NCOA2: variants seen among roughly 807,000 people sequenced by gnomAD.
NCOA2 encodes class E basic helix-loop-helix protein 75.
NCOA2 carries 21 observed loss-of-function variants against 145.1 expected under a neutral mutation model. The observed-to-expected ratio is 0.14, with a 90% CI of 0.10 to 0.21. The LOEUF is 0.21. Among genes scored for constraint, NCOA2 ranks in the 10% least tolerant of loss-of-function variants. NCOA2 has a pLI of 1.00. For synonymous variants in NCOA2, 619 were observed against 637.5 expected, an observed-to-expected ratio of 0.97 and a Z score of 0.44; for missense variants, 1,472 against 1,837.6, an observed-to-expected ratio of 0.80 and a Z score of 3.64.
At chr8:70,206,071 G>A (rs191481223) in intron 4 of NCOA2, among the ~76,000 whole-genome samples, 12 of 152,336 alleles carry the variant, frequency 7.9e-5, no homozygotes, top group Non-Finnish European at 1.6e-4. Context: ...GCTGGGGTGG[G>A]AGTAGGACAG....
intron 1 of NCOA2, among the ~76,000 whole-genome samples, chr8:70,314,266 T>C (rs1185715589): frequency 1.4e-5 from 2 of 138,000 alleles, no homozygotes; most frequent in Admixed American, 1.5e-4. Flanking sequence ...AAGTACAGAA[T>C]GCCACAAAGA....
At chr8:70,229,081 A>C (rs1422853842) in intron 2 of NCOA2, among the ~76,000 whole-genome samples, 1 of 152,244 alleles carries the variant, frequency 6.6e-6, no homozygotes, top group Admixed American at 6.5e-5. Context: ...ATATATGGTT[A>C]AGTTTCTAAT....
At chr8:70,233,126 T>C (rs1022427040) in intron 2 of NCOA2, among the ~76,000 whole-genome samples, 1 of 151,760 alleles carries the variant, frequency 6.6e-6, no homozygotes, top group African/African-American at 2.4e-5. Context: ...CTCAGGAGGC[T>C]GAGGCAGGAG....
the NCOA2 span, among the ~76,000 whole-genome samples, chr8:70,440,986 AAG>A: frequency 1.4e-5 from 2 of 147,186 alleles, no homozygotes; most frequent in Admixed American, 6.7e-5. Context: ...GAGAGAAAGA[AAG>A]AGGAAAGATA....
the NCOA2 span, among the ~76,000 whole-genome samples, chr8:70,412,819 C>T: frequency 5.9e-5 from 9 of 152,150 alleles, no homozygotes; most frequent in Non-Finnish European, 1.2e-4. Context: ...AATAGTGGGC[C>T]GGGTACAGTG....
intron 4 of NCOA2, among the ~76,000 whole-genome samples, chr8:70,204,850 G>A (rs1051904529): frequency 6.6e-6 from 1 of 152,070 alleles, no homozygotes; most frequent in Non-Finnish European, 1.5e-5. Flanking sequence ...AAATTAGCCA[G>A]GCATGGTGGT....
intron 4 of NCOA2, among the ~76,000 whole-genome samples, chr8:70,198,325 T>C (rs936430179): frequency 3.3e-5 from 5 of 152,170 alleles, no homozygotes; most frequent in South Asian, 4.1e-4. Flanking sequence ...TGTGCAGTTA[T>C]GAGTTAAAGA....
intron 2 of NCOA2, among the ~76,000 whole-genome samples, chr8:70,226,767 A>G (rs1820690823): frequency 6.6e-6 from 1 of 151,714 alleles, no homozygotes; most frequent in African/African-American, 2.4e-5. Context: ...TTTTAGAGTC[A>G]TTAGCATATC....
At chr8:70,180,069 C>T (rs959510720) in intron 4 of NCOA2, among the ~76,000 whole-genome samples, 3 of 152,328 alleles carry the variant, frequency 2.0e-5, no homozygotes, top group Admixed American at 6.5e-5. Context: ...GCATGAACCA[C>T]CATGCCCAAT....
In NCOA2 at chr8:70,111,799, A is replaced by T. The variant is rs3750200; in HGVS notation, c.*1833T>A. On this transcript the variant is annotated 3_prime_UTR_variant, in exon 23 of 23. Coordinates refer to ENST00000452400, the MANE Select transcript of NCOA2 (RefSeq NM_006540.4). ...TTTTCACCCTGCCACAAATAAACAA[A>T]CAATCAAATTTCAAGGAAAAACTTC... 8.7e-4 allele frequency: 191 copies of T among 219,260 alleles called. 1 individual carries two copies. The East Asian group carries it at 0.012, about 14-fold the overall frequency. 13.6% of individuals were successfully genotyped at this position (219,260 alleles called of 1,614,324 possible).
intron 2 of NCOA2, among the ~76,000 whole-genome samples, chr8:70,270,981 C>T (rs1434550287): frequency 6.6e-6 from 1 of 152,140 alleles, no homozygotes; most frequent in Non-Finnish European, 1.5e-5. Context: ...ATTTTCAAAG[C>T]ACATTAAATT....
At position 70,144,046 on chromosome 8, in the gene NCOA2, T is replaced by A. The variant is rs561990039; in HGVS notation, c.2812+596A>T. ...GACAGTGACTACTACCTAGGAAATGTGCCTAGGCAAATTGCCAGACACCTG... is the reference window on the plus strand; with the variant it reads ...GACAGTGACTACTACCTAGGAAATGAGCCTAGGCAAATTGCCAGACACCTG... On this transcript the variant is annotated intron_variant, in intron 13 of 22. Transcript: ENST00000452400. 1.5e-3 allele frequency among the ~76,000 whole-genome samples: 229 copies of A among 152,332 alleles called. 3 individuals are homozygous for A. In the South Asian group the frequency reaches 0.018, roughly 12 times the overall value.
intron 2 of NCOA2, among the ~76,000 whole-genome samples, chr8:70,229,303 G>A (rs1820930750): frequency 6.6e-6 from 1 of 152,158 alleles, no homozygotes; most frequent in South Asian, 2.1e-4. Flanking sequence ...CAAGACTTAG[G>A]AAGAAGATAC....
At chr8:70,441,780 A>AG in the NCOA2 span, among the ~76,000 whole-genome samples, 1 of 37,670 alleles carries the variant, frequency 2.7e-5, no homozygotes, top group Non-Finnish European at 5.3e-5. Flanking sequence ...GAAAAGAAAG[A>AG]AGAGAAAGAA....
intron 16 of NCOA2, 60 bp from the exon 17 acceptor site, chr8:70,129,040 T>C (rs576451480): frequency 2.0e-6 from 3 of 1,475,470 alleles, no homozygotes; most frequent in East Asian, 2.5e-5. Context: ...GCAGAGTCAA[T>C]ATAAGGCTGT....
chr8:70,230,395 A>G (rs527240585), intron 2 of NCOA2, among the ~76,000 whole-genome samples: 22 of 152,316 alleles, frequency 1.4e-4, no homozygotes, highest in African/African-American at 5.1e-4. Context: ...AAATTAGATC[A>G]TGGTGATGGC....
chr8:70,277,777 T>C (rs2135417615), intron 2 of NCOA2, among the ~76,000 whole-genome samples: 1 of 152,316 alleles, frequency 6.6e-6, no homozygotes, highest in East Asian at 1.9e-4. Flanking sequence ...GACATTTAAA[T>C]TTTTTCCAGT....
chr8:70,253,647 T>C (rs1361736906), intron 2 of NCOA2, among the ~76,000 whole-genome samples: 2 of 152,060 alleles, frequency 1.3e-5, no homozygotes, highest in East Asian at 1.9e-4. Context: ...GACCATTCAA[T>C]GGGGAAAGGA....
chr8:70,310,334 ACT>A (rs1291931624), intron 1 of NCOA2, among the ~76,000 whole-genome samples: 7 of 131,634 alleles, frequency 5.3e-5, no homozygotes, highest in African/African-American at 1.8e-4. Context: ...ACAGAGCAAG[ACT>A]CTGTCTTCCC....
Sources: gnomAD v4.1 joint callset for allele counts (sites outside exome capture counted in the v4.1 genomes callset) on GRCh38, gnomAD v4.1.1 for gene constraint, MANE v1.5 for transcripts, NCBI Gene and HGNC (gene_info 2026-07-23, HGNC 2026-07-21) for gene names.